Variants in DPP10 observed in about 807,000 individuals in gnomAD.
The protein encoded by DPP10 is inactive dipeptidyl peptidase 10.
A neutral mutation model predicts 120.9 loss-of-function variants in DPP10; 33 were observed. The ratio of observed to expected loss-of-function variants is 0.27; its 90% CI spans 0.21 to 0.37. The LOEUF (loss-of-function observed/expected upper bound fraction) is 0.37. DPP10 is among the 10% of genes least tolerant of loss of function. DPP10 has a pLI of 1.00. For missense variants in DPP10, 816 were observed against 942.8 expected (o/e 0.87, Z 1.76); for synonymous variants, 337 against 326.1 (o/e 1.03, Z -0.36).
At chr2:115,357,728 T>C (rs1217814549) in intron 3 of DPP10, among the ~76,000 whole-genome samples, 2 of 152,224 alleles carry the variant, frequency 1.3e-5, no homozygotes, top group Admixed American at 6.5e-5. Flanking sequence ...AGGTTCTCTA[T>C]GAGGACTCCA....
chr2:115,568,887 G>T (rs185536277), intron 5 of DPP10, among the ~76,000 whole-genome samples: 1 of 152,168 alleles, frequency 6.6e-6, no homozygotes, highest in Non-Finnish European at 1.5e-5. Flanking sequence ...CAATTAGTGA[G>T]AAGTCTCATT....
intron 3 of DPP10, among the ~76,000 whole-genome samples, chr2:115,425,116 C>G (rs2070335798): frequency 6.6e-6 from 1 of 152,136 alleles, no homozygotes; most frequent in African/African-American, 2.4e-5. Context: ...ATGAGGGGCT[C>G]TAGCAGAAAC....
chr2:115,494,478 T>C (rs2076289742), intron 3 of DPP10, among the ~76,000 whole-genome samples: 1 of 152,176 alleles, frequency 6.6e-6, no homozygotes, highest in Non-Finnish European at 1.5e-5. Flanking sequence ...ATCCTGGGGC[T>C]CTTCAAAATA....
At chr2:114,768,584 C>G (rs1680954150) in intron 1 of DPP10, among the ~76,000 whole-genome samples, 2 of 152,112 alleles carry the variant, frequency 1.3e-5, no homozygotes, top group South Asian at 4.1e-4. Context: ...CTGGATAAGT[C>G]AGGATACTTT....
chr2:115,596,294 A>G (rs2082982537), intron 5 of DPP10, among the ~76,000 whole-genome samples: 1 of 152,218 alleles, frequency 6.6e-6, no homozygotes, highest in African/African-American at 2.4e-5. Flanking sequence ...TTATCTTACC[A>G]GTAACTTTCA....
At chr2:115,363,528 G>A (rs1448623229) in intron 3 of DPP10, among the ~76,000 whole-genome samples, 1 of 152,140 alleles carries the variant, frequency 6.6e-6, no homozygotes, top group Admixed American at 6.5e-5. Flanking sequence ...ACCTGAAATG[G>A]GAAGGTTAGT....
chr2:115,062,905 C>A (rs909919960), intron 1 of DPP10, among the ~76,000 whole-genome samples: 13 of 152,108 alleles, frequency 8.5e-5, no homozygotes, highest in Non-Finnish European at 1.9e-4. Context: ...GGTATATACC[C>A]AGTAATGGGA....
chr2:114,544,091 G>A (rs976510597), intron 1 of DPP10, among the ~76,000 whole-genome samples: 2 of 152,100 alleles, frequency 1.3e-5, no homozygotes, highest in Admixed American at 6.5e-5. Context: ...GTAGGGGAAG[G>A]GAGCTATGCA....
chr2:114,616,751 T>C (rs1301942435), intron 1 of DPP10, among the ~76,000 whole-genome samples: 3 of 151,986 alleles, frequency 2.0e-5, no homozygotes, highest in Non-Finnish European at 4.4e-5. Flanking sequence ...GGAAATTGAG[T>C]CTTTACATGG....
intron 1 of DPP10, among the ~76,000 whole-genome samples, chr2:115,196,954 T>A (rs979108296): frequency 6.6e-6 from 1 of 152,174 alleles, no homozygotes; most frequent in Non-Finnish European, 1.5e-5. Flanking sequence ...ATTGCTAACA[T>A]TGGAACTTAA....
intron 1 of DPP10, among the ~76,000 whole-genome samples, chr2:114,484,274 G>A (rs139639510): frequency 6.6e-6 from 1 of 152,254 alleles, no homozygotes; most frequent in African/African-American, 2.4e-5. Flanking sequence ...TTAAGAGCAC[G>A]TTGCCTTTAG....
At chr2:115,179,931 A>G (rs937140463) in intron 1 of DPP10, among the ~76,000 whole-genome samples, 3 of 152,202 alleles carry the variant, frequency 2.0e-5, no homozygotes, top group Non-Finnish European at 2.9e-5. Context: ...AAAACAAGTT[A>G]TTTCTTTTAA....
chr2:115,286,457 T>C (rs1406444746), intron 1 of DPP10, among the ~76,000 whole-genome samples: 5 of 132,912 alleles, frequency 3.8e-5, no homozygotes, highest in South Asian at 2.3e-4. Context: ...GACTCCAGAG[T>C]TTAAAGTGAA....
In DPP10 at chr2:115,727,777, G is replaced by A. The variant is rs139133340; in HGVS notation, c.577-39G>A. ...TTAAAGTTTCAAAAGGCATCCTAACGTGTTGGATTTTTTGTTTGTTTCACA... is the reference window on the plus strand; with the variant it reads ...TTAAAGTTTCAAAAGGCATCCTAACATGTTGGATTTTTTGTTTGTTTCACA... On this transcript the variant is annotated intron_variant, in intron 7 of 25. Coordinates refer to ENST00000410059, the MANE Select transcript of DPP10 (RefSeq NM_020868.6). 204 of 1,559,546 alleles carry A rather than the reference G, an allele frequency of 1.3e-4. No homozygotes were observed. In the South Asian group the frequency reaches 1.4e-3, roughly 11 times the overall value.
At chr2:115,560,427 TATATATATATATATATATAC>T (rs1163665760) in intron 5 of DPP10, among the ~76,000 whole-genome samples, 2 of 70,950 alleles carry the variant, frequency 2.8e-5, no homozygotes, top group African/African-American at 1.0e-4. Flanking sequence ...TATATATATA[TATATATATATATATATATAC>T]GACAAGCTAC....
Position 114,788,084 on chromosome 2 carries a change from G to A in DPP10, c.60+345246G>A, listed in dbSNP as rs181133137. On this transcript the variant is annotated intron_variant, in intron 1 of 25. Coordinates refer to ENST00000410059, the MANE Select transcript of DPP10 (RefSeq NM_020868.6). The stretch of plus-strand genomic sequence containing the variant: ...TCAAGGTAGAAAGCCCTCCATATGT[G>A]TTTTCTATGTTCATATATACATATA... Among the ~76,000 whole-genome samples, 209 of 152,028 alleles carry A rather than the reference G, an allele frequency of 1.4e-3. 1 individual carries two copies. The highest frequency in any genetic ancestry group is 4.9e-3 in the African/African-American group (202 of 41,492).
intron 1 of DPP10, among the ~76,000 whole-genome samples, chr2:114,914,917 G>A (rs1304691220): frequency 3.9e-5 from 6 of 152,284 alleles, no homozygotes; most frequent in Non-Finnish European, 8.8e-5. Context: ...GGATCATGAG[G>A]TCAGGAGATC....
chr2:115,262,135 C>T (rs141760750), intron 1 of DPP10, among the ~76,000 whole-genome samples: 162 of 152,094 alleles, frequency 1.1e-3, no homozygotes, highest in Admixed American at 1.0e-3. Context: ...GATAATGTAT[C>T]TCATATCTCT....
At chr2:115,333,804 G>C (rs1166187762) in intron 2 of DPP10, among the ~76,000 whole-genome samples, 1 of 152,040 alleles carries the variant, frequency 6.6e-6, no homozygotes, top group Non-Finnish European at 1.5e-5. Context: ...CTGTTAGTCT[G>C]ATGGGCTTCC....
Sources: gnomAD v4.1 joint callset for allele counts (sites outside exome capture counted in the v4.1 genomes callset) on GRCh38, gnomAD v4.1.1 for gene constraint, MANE v1.5 for transcripts, NCBI Gene and HGNC (gene_info 2026-07-23, HGNC 2026-07-21) for gene names.